The following FRK variants were observed in gnomAD, a reference collection of about 807,000 sequenced individuals.
The protein encoded by FRK is tyrosine-protein kinase FRK.
Under a neutral mutation model 56.4 loss-of-function variants are expected in FRK, and 51 were observed. The observed-to-expected ratio is 0.90, with a 90% CI of 0.72 to 1.14. The LOEUF (loss-of-function observed/expected upper bound fraction) is 1.14, where lower values mean the gene tolerates loss of function less well. Ranked by LOEUF, FRK falls within the 50% of genes most tolerant of loss-of-function variation. The pLI is 0.00. For synonymous variants in FRK, 245 were observed against 217.9 expected, an observed-to-expected ratio of 1.12 and a Z score of -1.10; for missense variants, 570 against 601.4, an observed-to-expected ratio of 0.95 and a Z score of 0.55.
upstream of FRK, among the ~76,000 whole-genome samples, chr6:116,063,091 G>T (rs1275543404): frequency 6.6e-6 from 1 of 152,106 alleles, no homozygotes; most frequent in East Asian, 1.9e-4. Flanking sequence ...AATGACTGAG[G>T]TGATAAGTCA....
At chr6:116,065,699 T>C (rs1164292388), upstream of FRK, among the ~76,000 whole-genome samples, 1 of 152,224 alleles carries the variant, frequency 6.6e-6, no homozygotes, top group Non-Finnish European at 1.5e-5. Context: ...GCATAACCTA[T>C]ACCCATTTTT....
intron 2 of FRK, among the ~76,000 whole-genome samples, chr6:115,977,072 A>G (rs1257721204): frequency 6.6e-6 from 1 of 152,142 alleles, no homozygotes; most frequent in African/African-American, 2.4e-5. Flanking sequence ...TTTCAAAACC[A>G]TTACAAAGAC....
intron 1 of FRK, among the ~76,000 whole-genome samples, chr6:116,054,500 AT>A (rs1042892541): frequency 0.013 from 1,787 of 142,772 alleles, 32 homozygotes; most frequent in African/African-American, 0.039. Flanking sequence ...ATATTATACT[AT>A]TATAATATTA....
At chr6:116,004,613 T>C (rs1415098213) in intron 1 of FRK, among the ~76,000 whole-genome samples, 2 of 152,198 alleles carry the variant, frequency 1.3e-5, no homozygotes, top group Non-Finnish European at 2.9e-5. Flanking sequence ...CTGAAAAAGA[T>C]ACATCTGCCC....
At chr6:116,088,567 G>C in the FRK span, among the ~76,000 whole-genome samples, 1 of 152,214 alleles carries the variant, frequency 6.6e-6, no homozygotes, top group Non-Finnish European at 1.5e-5. Context: ...CAGAGTATGT[G>C]ATATGTACTA....
chr6:116,063,191 A>G (rs1777681416), upstream of FRK, among the ~76,000 whole-genome samples: 1 of 152,238 alleles, frequency 6.6e-6, no homozygotes, highest in African/African-American at 2.4e-5. Context: ...AATAACATCC[A>G]GGAATTCTAC....
At chr6:115,949,625 T>C (rs1228147122) in intron 5 of FRK, among the ~76,000 whole-genome samples, 2 of 152,208 alleles carry the variant, frequency 1.3e-5, no homozygotes, top group African/African-American at 4.8e-5. Context: ...ATTTAAAGAT[T>C]CAATGCTATT....
chr6:115,959,387 G>A (rs1048380760), intron 4 of FRK, among the ~76,000 whole-genome samples: 1 of 152,054 alleles, frequency 6.6e-6, no homozygotes, highest in Non-Finnish European at 1.5e-5. Context: ...AGAGAACAAC[G>A]TTAGGAAGGC....
intron 2 of FRK, among the ~76,000 whole-genome samples, chr6:115,991,777 G>A (rs1175873437): frequency 6.6e-6 from 1 of 151,622 alleles, no homozygotes; most frequent in East Asian, 1.9e-4. Context: ...GGATGATAAT[G>A]ATTTTGTAGA....
rs117421974 is a variant in FRK, at chr6:116,010,211, C to A, written c.345-6213G>T. ...CCTGGGCAACAGAGTGAGATTCTGT[C>A]TCGAAAAAAAAAAAAATTCACAAAC... On this transcript the variant is annotated intron_variant, in intron 1 of 7. Transcript: ENST00000606080. Among the ~76,000 whole-genome samples the A allele has an allele frequency of 6.3e-4, 94 of 149,868 alleles. 3 individuals are homozygous for A. In the East Asian group the frequency reaches 0.018, roughly 28 times the overall value.
chr6:115,942,920 G>T, intron 7 of FRK, 100 bp downstream of exon 7: 2 of 1,167,896 alleles, frequency 1.7e-6, no homozygotes, highest in Non-Finnish European at 2.4e-6. Flanking sequence ...GGTATGGTCA[G>T]CCTCATAACT....
the FRK span, among the ~76,000 whole-genome samples, chr6:116,096,486 G>A: frequency 6.6e-6 from 1 of 152,210 alleles, no homozygotes; most frequent in Non-Finnish European, 1.5e-5. Context: ...CTAAAAGACT[G>A]TAAACACGCC....
intron 2 of FRK, 50 bp downstream of exon 2, chr6:116,003,827 G>A: frequency 1.3e-6 from 2 of 1,597,582 alleles, no homozygotes; most frequent in South Asian, 1.1e-5. Context: ...GAAAGCTCAT[G>A]ACTGCAGACT....
the FRK span, among the ~76,000 whole-genome samples, chr6:116,072,544 C>CAT: frequency 3.6e-5 from 5 of 140,696 alleles, no homozygotes; most frequent in Non-Finnish European, 6.3e-5. Flanking sequence ...CACACACACA[C>CAT]ACACACACAC....
At chr6:115,997,107 A>AC (rs1197315340) in intron 2 of FRK, among the ~76,000 whole-genome samples, 3 of 152,300 alleles carry the variant, frequency 2.0e-5, no homozygotes, top group Admixed American at 2.0e-4. Flanking sequence ...ACACATAATT[A>AC]CCCCAGCTAA....
chr6:116,041,078 C>T (rs1177649100), intron 1 of FRK, among the ~76,000 whole-genome samples: 2 of 152,090 alleles, frequency 1.3e-5, no homozygotes, highest in East Asian at 1.9e-4. Context: ...TTCCCGGGAC[C>T]TACTAAATCA....
intron 1 of FRK, among the ~76,000 whole-genome samples, chr6:116,021,396 G>A (rs1035473153): frequency 1.1e-4 from 17 of 152,118 alleles, no homozygotes; most frequent in Admixed American, 2.6e-4. Context: ...TGATCAATAT[G>A]TCAAATGGTG....
intron 1 of FRK, among the ~76,000 whole-genome samples, chr6:116,024,065 C>T (rs1235730822): frequency 2.1e-5 from 3 of 144,660 alleles, no homozygotes; most frequent in Admixed American, 7.0e-5. Flanking sequence ...CTTACACACA[C>T]ACACACACAC....
intron 5 of FRK, among the ~76,000 whole-genome samples, chr6:115,955,665 C>T (rs1772955025): frequency 6.6e-6 from 1 of 152,134 alleles, no homozygotes; most frequent in Non-Finnish European, 1.5e-5. Flanking sequence ...TCTTATCTTT[C>T]TGAAATCTTT....
Sources: allele counts gnomAD v4.1 joint callset (sites outside exome capture counted in the v4.1 genomes callset), GRCh38; gene constraint gnomAD v4.1.1; transcripts MANE v1.5; gene names NCBI Gene and HGNC (gene_info 2026-07-23, HGNC 2026-07-21).